PAN3: variants seen among roughly 807,000 people sequenced by gnomAD.
PAN3 encodes the protein poly(A) specific ribonuclease subunit PAN3.
A neutral mutation model predicts 96.2 loss-of-function variants in PAN3; 19 were observed. That is an observed-to-expected ratio of 0.20 (90% CI 0.14 to 0.29). The LOEUF (loss-of-function observed/expected upper bound fraction) is 0.29, where lower values mean the gene tolerates loss of function less well. Ranked by LOEUF, PAN3 falls within the 10% of genes least tolerant of loss-of-function variation. PAN3 has a pLI of 1.00. For synonymous variants in PAN3, 433 were observed against 406.6 expected (o/e 1.06, Z -0.78); for missense variants, 882 against 1,108.1 (o/e 0.80, Z 2.90).
At chr13:28,202,379 C>T (rs1241405846) in intron 5 of PAN3, among the ~76,000 whole-genome samples, 1 of 152,060 alleles carries the variant, frequency 6.6e-6, no homozygotes, top group Non-Finnish European at 1.5e-5. Flanking sequence ...TTGTTTATTC[C>T]TTACGCATAT....
At chr13:28,192,617 A>G (rs1387196701) in intron 4 of PAN3, among the ~76,000 whole-genome samples, 2 of 152,130 alleles carry the variant, frequency 1.3e-5, no homozygotes, top group Non-Finnish European at 2.9e-5. Flanking sequence ...CTATTCATAC[A>G]TGATTACTTA....
chr13:28,208,556 C>A (rs1801574741), intron 5 of PAN3, among the ~76,000 whole-genome samples: 1 of 151,586 alleles, frequency 6.6e-6, no homozygotes, highest in South Asian at 2.1e-4. Context: ...ATGTTTGAAT[C>A]CATTTAGTGG....
At chr13:28,218,810 T>C (rs540561093) in intron 5 of PAN3, among the ~76,000 whole-genome samples, 4 of 152,314 alleles carry the variant, frequency 2.6e-5, no homozygotes, top group African/African-American at 9.6e-5. Flanking sequence ...AAAGTATTCA[T>C]ATTGTGTATT....
intron 4 of PAN3, among the ~76,000 whole-genome samples, chr13:28,187,860 A>T (rs895832452): frequency 6.6e-6 from 1 of 152,008 alleles, no homozygotes; most frequent in Non-Finnish European, 1.5e-5. Context: ...TGCCCAGCTA[A>T]TTTTTTAAAT....
intron 4 of PAN3, among the ~76,000 whole-genome samples, chr13:28,195,438 C>T (rs1877927772): frequency 6.6e-6 from 1 of 151,974 alleles, no homozygotes. Flanking sequence ...TGTCCACTGC[C>T]ATAATTATTG....
chr13:28,195,559 G>A (rs1310910889), intron 4 of PAN3, among the ~76,000 whole-genome samples: 1 of 151,990 alleles, frequency 6.6e-6, no homozygotes, highest in African/African-American at 2.4e-5. Flanking sequence ...AATTTGGGAT[G>A]GAGTCTCACT....
chr13:28,172,834 A>ATCACTTGAGGGCAGGAGT (rs1453994482), intron 1 of PAN3, among the ~76,000 whole-genome samples: 2 of 152,188 alleles, frequency 1.3e-5, no homozygotes, highest in Non-Finnish European at 2.9e-5. Flanking sequence ...AGATGAGAGG[A>ATCACTTGAGGGCAGGAGT]TCACTTGAGG....
At chr13:28,181,767 G>A (rs1379438771) in intron 4 of PAN3, among the ~76,000 whole-genome samples, 1 of 152,056 alleles carries the variant, frequency 6.6e-6, no homozygotes. Context: ...TGTGACATTC[G>A]AATATGGAAT....
At chr13:28,167,864 CT>C (rs1873798147) in intron 1 of PAN3, among the ~76,000 whole-genome samples, 1 of 152,006 alleles carries the variant, frequency 6.6e-6, no homozygotes, top group African/African-American at 2.4e-5. Context: ...ACAAACAAAT[CT>C]TTAATTCATT....
chr13:28,250,676 A>G (rs1319472447), intron 6 of PAN3, among the ~76,000 whole-genome samples: 1 of 151,928 alleles, frequency 6.6e-6, no homozygotes, highest in Non-Finnish European at 1.5e-5. Context: ...CTAATTTTTT[A>G]TATTTTTTGT....
intron 17 of PAN3, among the ~76,000 whole-genome samples, chr13:28,285,258 C>T (rs890320090): frequency 6.6e-6 from 1 of 152,038 alleles, no homozygotes; most frequent in Non-Finnish European, 1.5e-5. Context: ...TGATAGTTTC[C>T]TTCCCAGTTT....
At chr13:28,163,078 C>G (rs973700509) in intron 1 of PAN3, among the ~76,000 whole-genome samples, 1 of 151,772 alleles carries the variant, frequency 6.6e-6, no homozygotes, top group African/African-American at 2.4e-5. Flanking sequence ...GCATCTTGCT[C>G]TGTCACCCAG....
Position 28,292,372 on chromosome 13 carries a change from A to G in PAN3, c.2524-10A>G, listed in dbSNP as rs1566267727. The G allele has an allele frequency of 1.3e-6, 2 of 1,590,370 alleles. No individual in the cohort carries two copies. Among genetic ancestry groups the G allele is most frequent in the Non-Finnish European group, 1.7e-6 (2 of 1,169,632 alleles). On this transcript the variant is annotated splice_polypyrimidine_tract_variant and intron_variant, in intron 18 of 18. Coordinates refer to ENST00000380958, the MANE Select transcript of PAN3 (RefSeq NM_175854.8). ...TATGAATTTCATATTTTGTGTATAT[A>G]TTGTTTCAGCTAGATGCTGGTGTGC...
chr13:28,202,159 G>A (rs1284990919), intron 5 of PAN3, among the ~76,000 whole-genome samples: 1 of 151,984 alleles, frequency 6.6e-6, no homozygotes, highest in East Asian at 1.9e-4. Context: ...ATTGGACAGT[G>A]TACATTATAA....
chr13:28,290,381 A>G lies in PAN3; in HGVS notation c.2524-2001A>G, dbSNP rs184445406. On this transcript the variant is annotated intron_variant, in intron 18 of 18. Transcript: ENST00000380958. ...ATAAGGAGTATTGTCAATAACCTAC[A>G]TTAAGACTGCACAAAACTGGCCAGG... 4.6e-3 allele frequency among the ~76,000 whole-genome samples: 703 copies of G among 152,274 alleles called. 7 individuals carry two copies. The highest frequency in any genetic ancestry group is 0.016 in the African/African-American group (679 of 41,548).
Position 28,215,396 on chromosome 13 carries a change from A to G in PAN3, c.853-4835A>G, listed in dbSNP as rs570245489. On this transcript the variant is annotated intron_variant, in intron 5 of 18. Coordinates refer to ENST00000380958, the MANE Select transcript of PAN3 (RefSeq NM_175854.8). ...CAACTGAAGTCTATTGAAATGCACC[A>G]TGGAGCTTTGAGTGAAGCTCTTCTT... 6.3e-5 allele frequency: 47 copies of G among 740,526 alleles called. No individual in the cohort carries two copies. The African/African-American group carries it at 7.2e-4, about 11-fold the overall frequency. The allele number at this position is 740,526 out of a possible 1,614,324, so 45.9% of individuals were successfully genotyped here. A position where few individuals can be genotyped will look rare whatever the true frequency, so the allele number is the denominator to read the frequency against.
rs369602268 is a variant in PAN3 at position 28,270,903 on chromosome 13, C to T, written c.1958+37C>T. The T allele has an allele frequency of 2.4e-5, 38 of 1,580,102 alleles. No homozygotes were observed. In the South Asian group the frequency reaches 4.1e-4, roughly 17 times the overall value. On this transcript the variant is annotated intron_variant, in intron 13 of 18. Transcript: ENST00000380958. Reference sequence around the variant, plus strand: ...TTGAGTTTTGGTTTCTTTTATTGAGCGTCTTACCTTTGACAGCTTAGTAAA... The same window carrying T: ...TTGAGTTTTGGTTTCTTTTATTGAGTGTCTTACCTTTGACAGCTTAGTAAA...
At chr13:28,173,811 T>C (rs950607820) in intron 1 of PAN3, among the ~76,000 whole-genome samples, 10 of 152,232 alleles carry the variant, frequency 6.6e-5, no homozygotes, top group African/African-American at 2.4e-4. Flanking sequence ...ATCCTATTGC[T>C]ACCTCTGCAG....
chr13:28,167,889 T>C (rs1873800215), intron 1 of PAN3, among the ~76,000 whole-genome samples: 1 of 152,194 alleles, frequency 6.6e-6, no homozygotes, highest in South Asian at 2.1e-4. Flanking sequence ...CACATATTAC[T>C]ATAAGCAATT....
Sources: gnomAD v4.1 joint callset for allele counts (sites outside exome capture counted in the v4.1 genomes callset) on GRCh38, gnomAD v4.1.1 for gene constraint, MANE v1.5 for transcripts, NCBI Gene and HGNC (gene_info 2026-07-23, HGNC 2026-07-21) for gene names.